The following NCS1 variants were observed in gnomAD, a reference collection of about 807,000 sequenced individuals.
NCS1 encodes the protein neuronal calcium sensor 1.
Under a neutral mutation model 28.4 loss-of-function variants are expected in NCS1, and 6 were observed. That is an observed-to-expected ratio of 0.21 (90% CI 0.12 to 0.42). The LOEUF (loss-of-function observed/expected upper bound fraction) is 0.42. NCS1 is among the 10% of genes least tolerant of loss of function. NCS1 has a pLI of 1.00. For missense variants in NCS1, 131 were observed against 241.4 expected (o/e 0.54, Z 3.03); for synonymous variants, 86 against 99.3 (o/e 0.87, Z 0.79).
Position 130,209,042 on chromosome 9 carries a change from T to C in NCS1, c.89+8060T>C. On this transcript the variant is annotated intron_variant, in intron 2 of 7. Transcript: ENST00000372398. The surrounding 1 kb of genome is among the most constrained non-coding windows in gnomAD (Gnocchi z 4.4). Reference sequence around the variant, plus strand: ...GAAGAGGAACCATCTCATGGCTGTTTGGGACCCTCCTCCAGGTCTCCAGGG... The same window carrying C: ...GAAGAGGAACCATCTCATGGCTGTTCGGGACCCTCCTCCAGGTCTCCAGGG... Among the ~76,000 whole-genome samples the C allele has an allele frequency of 6.6e-6, 1 of 152,162 alleles. No individual in the cohort carries two copies. Among genetic ancestry groups the C allele is most frequent in the Non-Finnish European group, 1.5e-5 (1 of 68,018 alleles).
chr9:130,202,351 C>T (rs527300713), intron 2 of NCS1, among the ~76,000 whole-genome samples: 1 of 139,278 alleles, frequency 7.2e-6, no homozygotes, highest in South Asian at 2.8e-4. Flanking sequence ...GCCCCTCCCC[C>T]CCACCCCCTG....
At chr9:130,199,211 A>G (rs1250164253) in intron 1 of NCS1, among the ~76,000 whole-genome samples, 6 of 151,796 alleles carry the variant, frequency 4.0e-5, no homozygotes, top group Non-Finnish European at 7.4e-5. Flanking sequence ...CTCCTGCCTC[A>G]GCCTCTAGAG....
chr9:130,189,879 AATAT>A (rs1203988125), intron 1 of NCS1, among the ~76,000 whole-genome samples: 1,117 of 37,700 alleles, frequency 0.03, 67 homozygotes, highest in East Asian at 0.091. Flanking sequence ...AAAAAAAAAA[AATAT>A]ATATATATAT....
chr9:130,176,977 C>A (rs536825348), intron 1 of NCS1, among the ~76,000 whole-genome samples: 68 of 152,342 alleles, frequency 4.5e-4, no homozygotes, highest in Admixed American at 1.2e-3. Context: ...ATGATGTTTG[C>A]GGTCCTTCCC....
intron 4 of NCS1, among the ~76,000 whole-genome samples, chr9:130,220,754 T>TTTC (rs1833271683): frequency 1.5e-5 from 2 of 132,590 alleles, no homozygotes; most frequent in African/African-American, 6.5e-5. Context: ...TCTTTCTTTC[T>TTTC]TTTTTTTTTT....
chr9:130,217,907 C>T lies in NCS1; in HGVS notation c.165C>T (p.Phe55=), dbSNP rs1252396126. ...GCTTCCAGAAGATCTACAAGCAATT[C>T]TTCCCGTTCGGAGACCCCACCAAGT... ...AAGFQKIYKQ[F]FPFGDPTKFA... is the part of the protein sequence containing the mutation. Residue 55 remains phenylalanine (F), a synonymous_variant, in exon 3 of 8, where the codon TTC becomes TTT. Transcript: ENST00000372398. 1 of 1,614,198 alleles carries T rather than the reference C, an allele frequency of 6.2e-7. No individual in the cohort carries two copies.
intron 7 of NCS1, among the ~76,000 whole-genome samples, chr9:130,227,669 T>C (rs1457333249): frequency 6.6e-6 from 1 of 152,238 alleles, no homozygotes; most frequent in East Asian, 1.9e-4. Flanking sequence ...TTGAATGCCT[T>C]GTTATAAGTG....
chr9:130,211,010 A>ATTTTT lies in NCS1; in HGVS notation c.90-6805_90-6801dup, dbSNP rs34425557. Among the ~76,000 whole-genome samples the ATTTTT allele has an allele frequency of 4.4e-3, 404 of 92,178 alleles. 1 individual carries two copies. Among genetic ancestry groups the ATTTTT allele is most frequent in the Middle Eastern group, 7.2e-3 (1 of 138 alleles). 60.5% of individuals were successfully genotyped at this position (92,178 alleles called of 152,430 possible). ...CAAGCCACTGTGCCCGGCTCCACTA[A>ATTTTT]TTTTTTTTTTTTTTTTTTTTTGTAG... is the stretch of plus-strand genomic sequence containing the variant. On this transcript the variant is annotated intron_variant, in intron 2 of 7. Transcript: ENST00000372398.
Position 130,223,158 on chromosome 9 carries a change from A to AAC in NCS1, c.473_474insAC (p.Asn159ArgfsTer7). 8.8e-7 allele frequency: 1 copy of AAC among 1,133,926 alleles called. No individual in the cohort carries two copies. Among genetic ancestry groups the AAC allele is most frequent in the Non-Finnish European group, 1.3e-6 (1 of 780,756 alleles). 70.2% of individuals were successfully genotyped at this position (1,133,926 alleles called of 1,614,324 possible). ...GACCGGATCTTTGCCATGATGGATA[A>AAC]GGTGAGGTGGGGGGGCGGGGCTGGT... On this transcript the variant is annotated frameshift_variant and splice_region_variant, in exon 6 of 8. Transcript: ENST00000372398. LOFTEE classifies it high-confidence loss of function.
rs146375629 is a variant in NCS1 at position 130,231,653 on chromosome 9, G to A, written c.*18-1337G>A. Among the ~76,000 whole-genome samples the A allele has an allele frequency of 3.0e-3, 456 of 152,114 alleles. 5 individuals carry two copies. Among genetic ancestry groups the A allele is most frequent in the African/African-American group, 0.011 (437 of 41,512 alleles). On this transcript the variant is annotated intron_variant, in intron 7 of 7. Coordinates refer to ENST00000372398, the MANE Select transcript of NCS1 (RefSeq NM_014286.4). ...CGTACCTTGGCTTCCTAAAGGGTTG[G>A]GATTACAGACATGAGCCACCTCACC...
rs1564717356 is a variant in NCS1 at position 130,233,926 on chromosome 9, C to T, written c.*954C>T. On this transcript the variant is annotated 3_prime_UTR_variant, in exon 8 of 8. Coordinates refer to ENST00000372398, the MANE Select transcript of NCS1 (RefSeq NM_014286.4). This position sits in a 1 kb window ranked among gnomAD's most constrained non-coding sequence, Gnocchi z 4.8. The stretch of plus-strand genomic sequence containing the variant: ...AACCCCTTTTCCCTGCTGCCTCTGT[C>T]CCCGCATCCTTGTTCTCCCCTGGGT... 1 of 152,246 alleles carries T rather than the reference C, an allele frequency of 6.6e-6. No homozygotes were observed. The highest frequency in any genetic ancestry group is 1.5e-5 in the Non-Finnish European group (1 of 68,112). The allele number at this position is 152,246 out of a possible 1,614,324, so 9.4% of individuals were successfully genotyped here.
intron 2 of NCS1, among the ~76,000 whole-genome samples, chr9:130,212,375 C>T (rs4581155): frequency 0.37 from 55,187 of 151,094 alleles, 10,432 homozygotes; most frequent in Admixed American, 0.44. Flanking sequence ...GGAGGGGGTG[C>T]TACTGGCATC....
At chr9:130,188,187 A>G (rs1832764573) in intron 1 of NCS1, among the ~76,000 whole-genome samples, 1 of 152,214 alleles carries the variant, frequency 6.6e-6, no homozygotes, top group Admixed American at 6.5e-5. Flanking sequence ...CCTGGACCAC[A>G]CCACGCTGCC....
At chr9:130,223,055 C>G in intron 5 of NCS1, 27 bp from the exon 6 acceptor site, 1 of 1,602,428 alleles carries the variant, frequency 6.2e-7, no homozygotes, top group East Asian at 2.2e-5. Flanking sequence ...GTGCCAGGGC[C>G]CACCCCCGCC....
At chr9:130,176,380 G>C (rs1554904663) in intron 1 of NCS1, among the ~76,000 whole-genome samples, 1 of 151,676 alleles carries the variant, frequency 6.6e-6, no homozygotes, top group Non-Finnish European at 1.5e-5. Flanking sequence ...TTTTTTTGTA[G>C]AGTTAGGGTC....
chr9:130,232,520 C>T lies in NCS1; in HGVS notation c.*18-470C>T, dbSNP rs1230635743. ...AATATAGGCTGGGCACGGTGGCTCA[C>T]GCCTGTAATCCCAGCACTTTGGGAG... On this transcript the variant is annotated intron_variant, in intron 7 of 7. Coordinates refer to ENST00000372398, the MANE Select transcript of NCS1 (RefSeq NM_014286.4). The surrounding 1 kb of genome is among the most constrained non-coding windows in gnomAD (Gnocchi z 4.4). Among the ~76,000 whole-genome samples, 3 of 152,158 alleles carry T rather than the reference C, an allele frequency of 2.0e-5. No individual in the cohort carries two copies. The highest frequency in any genetic ancestry group is 7.2e-5 in the African/African-American group (3 of 41,416).
intron 6 of NCS1, among the ~76,000 whole-genome samples, chr9:130,223,736 A>G (rs949461339): frequency 6.6e-6 from 1 of 152,172 alleles, no homozygotes; most frequent in Non-Finnish European, 1.5e-5. Flanking sequence ...GGTTTCCATC[A>G]AAGGAAAAGC....
In NCS1 at chr9:130,209,104, T is replaced by G. The variant is rs1441443188; in HGVS notation, c.89+8122T>G. On this transcript the variant is annotated intron_variant, in intron 2 of 7. Coordinates refer to ENST00000372398, the MANE Select transcript of NCS1 (RefSeq NM_014286.4). The surrounding 1 kb of genome is among the most constrained non-coding windows in gnomAD (Gnocchi z 4.4). ...GGGCATGCCACTGGAGAGAGTTGTT[T>G]GAAGAGATAATGGGAGAATAATTTG... is the stretch of plus-strand genomic sequence containing the variant. Among the ~76,000 whole-genome samples the G allele has an allele frequency of 6.6e-6, 1 of 152,084 alleles. No individual in the cohort carries two copies.
At chr9:130,203,967 T>C (rs10819612) in intron 2 of NCS1, among the ~76,000 whole-genome samples, 139,288 of 152,190 alleles carry the variant, frequency 0.92, 63,957 homozygotes, top group East Asian at 1. Flanking sequence ...CAGGCTGAAT[T>C]CTTTTAATTT....
Sources: gnomAD v4.1 joint callset for allele counts (sites outside exome capture counted in the v4.1 genomes callset) on GRCh38, gnomAD v4.1.1 for gene constraint, Gnocchi (gnomAD v3.1) non-coding constraint, MANE v1.5 for transcripts, NCBI Gene and HGNC (gene_info 2026-07-23, HGNC 2026-07-21) for gene names.